Variants in RHOT1 observed in about 807,000 individuals in gnomAD.
RHOT1 encodes the protein ras homolog family member T1, also known as mitochondrial Rho GTPase 1.
In RHOT1, 27 loss-of-function variants were observed where a neutral mutation model predicts 95.3. That is an observed-to-expected ratio of 0.28 (90% CI 0.21 to 0.39). The LOEUF (loss-of-function observed/expected upper bound fraction) is 0.39, where lower values mean the gene tolerates loss of function less well. RHOT1 is among the 10% of genes least tolerant of loss of function. The probability of loss-of-function intolerance (pLI) is 1.00; values close to 1 mark genes in which losing one functional copy is unlikely to be tolerated. For synonymous variants in RHOT1, 227 were observed against 263.5 expected, an observed-to-expected ratio of 0.86 and a Z score of 1.34; for missense variants, 578 against 786.7, an observed-to-expected ratio of 0.73 and a Z score of 3.17.
At chr17:32,153,656 C>T (rs1361317250) in intron 1 of RHOT1, among the ~76,000 whole-genome samples, 1 of 151,648 alleles carries the variant, frequency 6.6e-6, no homozygotes, top group East Asian at 1.9e-4. Flanking sequence ...GAGACCCTGT[C>T]TCAAAAAAGA....
At position 32,173,642 on chromosome 17, in the gene RHOT1, A is replaced by G. The variant is rs540164786; in HGVS notation, c.97-189A>G. On this transcript the variant is annotated intron_variant, in intron 2 of 19. Coordinates refer to ENST00000545287, the MANE Select transcript of RHOT1 (RefSeq NM_001033566.3). ...GCAGGAGAATCACTTGAACCTGGGC[A>G]GCAGAGGTTGCAGTGAGCAGAGATC... is the stretch of plus-strand genomic sequence containing the variant. Among the ~76,000 whole-genome samples the G allele has an allele frequency of 1.5e-4, 23 of 151,816 alleles. No individual in the cohort carries two copies. In the Middle Eastern group the frequency reaches 0.01, roughly 67 times the overall value.
chr17:32,143,053 T>G, intron 1 of RHOT1: 2 of 664,680 alleles, frequency 3.0e-6, no homozygotes, highest in East Asian at 6.1e-5. Context: ...CTCTCCTCCT[T>G]TTCCTCTTCG....
chr17:32,222,270 CTG>C (rs938888375), intron 19 of RHOT1, among the ~76,000 whole-genome samples: 50 of 152,304 alleles, frequency 3.3e-4, no homozygotes, highest in African/African-American at 1.2e-3. Context: ...CCATGGCGGT[CTG>C]TGAGTTTGGG....
chr17:32,202,188 G>C (rs146633721), intron 14 of RHOT1, among the ~76,000 whole-genome samples: 1 of 152,144 alleles, frequency 6.6e-6, no homozygotes, highest in African/African-American at 2.4e-5. Context: ...GGGATTACAC[G>C]CGTGAGCCAC....
chr17:32,170,918 AAAACTT>A (rs2034522328), intron 1 of RHOT1, 119 bp from the exon 2 acceptor site: 2 of 572,510 alleles, frequency 3.5e-6, no homozygotes, highest in Non-Finnish European at 6.2e-6. Context: ...GTATTATACT[AAAACTT>A]AATAATTTGG....
At chr17:32,207,946 A>G (rs1190435764) in intron 17 of RHOT1, among the ~76,000 whole-genome samples, 161 bp from the exon 18 acceptor site, 2 of 152,142 alleles carry the variant, frequency 1.3e-5, no homozygotes, top group Admixed American at 1.3e-4. Flanking sequence ...TTATTATATG[A>G]GATTTACCTA....
intron 11 of RHOT1, among the ~76,000 whole-genome samples, chr17:32,198,313 T>C (rs2037055590): frequency 6.6e-6 from 1 of 152,238 alleles, no homozygotes; most frequent in African/African-American, 2.4e-5. Context: ...GGAATTAATA[T>C]GAAGCTCATA....
intron 1 of RHOT1, among the ~76,000 whole-genome samples, chr17:32,170,353 T>G (rs961565473): frequency 9.9e-5 from 15 of 151,992 alleles, no homozygotes; most frequent in Admixed American, 7.9e-4. Context: ...TGGTGGGGAT[T>G]GCAGTGAGCC....
intron 1 of RHOT1, among the ~76,000 whole-genome samples, chr17:32,152,660 T>G (rs1409288131): frequency 1.3e-5 from 2 of 151,992 alleles, no homozygotes; most frequent in African/African-American, 4.8e-5. Flanking sequence ...GGGAGGGAAC[T>G]TCAAGGGGAA....
chr17:32,177,735 A>G (rs2035126042), intron 6 of RHOT1, among the ~76,000 whole-genome samples: 1 of 144,480 alleles, frequency 6.9e-6, no homozygotes, highest in Middle Eastern at 3.5e-3. Flanking sequence ...AGCCTGGGCA[A>G]CAGAGCGAGA....
At chr17:32,168,165 G>A in intron 1 of RHOT1, among the ~76,000 whole-genome samples, 1 of 151,820 alleles carries the variant, frequency 6.6e-6, no homozygotes, top group Non-Finnish European at 1.5e-5. Flanking sequence ...AATACACCTG[G>A]TCACCCAAGA....
Position 32,192,308 on chromosome 17 carries a change from C to CCTTT in RHOT1, c.639+10_639+13dup, listed in dbSNP as rs749935208. 7.4e-7 allele frequency: 1 copy of CCTTT among 1,355,920 alleles called. No homozygotes were observed. The highest frequency in any genetic ancestry group is 1.0e-6 in the Non-Finnish European group (1 of 975,178). 84.0% of individuals were successfully genotyped at this position (1,355,920 alleles called of 1,614,324 possible). A position where few individuals can be genotyped will look rare whatever the true frequency, so the allele number is the denominator to read the frequency against. On this transcript the variant is annotated intron_variant, in intron 9 of 19. Transcript: ENST00000545287. ...AACTCAACTTCTTTCAGGTAATGGT[C>CCTTT]CTTTATTTCAGACATTTGCGTATCT...
At chr17:32,200,423 C>G (rs1040287662) in intron 13 of RHOT1, among the ~76,000 whole-genome samples, 2 of 151,918 alleles carry the variant, frequency 1.3e-5, no homozygotes, top group African/African-American at 4.8e-5. Context: ...GAGGAATTAC[C>G]CACCATCTTG....
chr17:32,169,926 C>T (rs1370043465), intron 1 of RHOT1, among the ~76,000 whole-genome samples: 2 of 151,854 alleles, frequency 1.3e-5, no homozygotes, highest in Non-Finnish European at 2.9e-5. Flanking sequence ...GGAGAATCAC[C>T]CAAGCCTGGG....
Position 32,225,594 on chromosome 17 carries a change from G to C in RHOT1, c.*861G>C, listed in dbSNP as rs539502285. On this transcript the variant is annotated 3_prime_UTR_variant, in exon 20 of 20. Transcript: ENST00000545287. ...TGTGTCACCAAGTGTTCTATATCAG[G>C]CTAGGATAACCTAGAGGCAGTAATT... 8.5e-5 allele frequency: 13 copies of C among 152,536 alleles called. No homozygotes were observed. Among genetic ancestry groups the C allele is most frequent in the Middle Eastern group, 3.4e-3 (1 of 294 alleles). The allele number at this position is 152,536 out of a possible 1,614,324, so 9.4% of individuals were successfully genotyped here.
chr17:32,199,572 T>G (rs1487800565), intron 13 of RHOT1, 22 bp downstream of exon 13: 10 of 1,565,982 alleles, frequency 6.4e-6, no homozygotes, highest in Non-Finnish European at 6.0e-6. Context: ...GCTCACCTCT[T>G]TCCTCTAGAG....
At position 32,222,912 on chromosome 17, in the gene RHOT1, C is replaced by T. The variant is rs12953030; in HGVS notation, c.1863-1704C>T. 1,781 of 983,630 alleles carry T rather than the reference C, an allele frequency of 1.8e-3. 16 individuals carry two copies. The African/African-American group carries it at 0.022, about 12-fold the overall frequency. 60.9% of individuals were successfully genotyped at this position (983,630 alleles called of 1,614,324 possible). Reference sequence around the variant, plus strand: ...TTTTTCTTGAAGCCAGGTAACATTTCCAATGGGTTGGCCTCGTTGGAGTTT... The same window carrying T: ...TTTTTCTTGAAGCCAGGTAACATTTTCAATGGGTTGGCCTCGTTGGAGTTT... On this transcript the variant is annotated intron_variant, in intron 19 of 19. Coordinates refer to ENST00000545287, the MANE Select transcript of RHOT1 (RefSeq NM_001033566.3).
At chr17:32,186,364 A>ATTT (rs141880248) in intron 8 of RHOT1, among the ~76,000 whole-genome samples, 33 of 128,198 alleles carry the variant, frequency 2.6e-4, no homozygotes, top group African/African-American at 9.2e-4. Flanking sequence ...GTCCTTTCCC[A>ATTT]TTTTTTTTTT....
intron 6 of RHOT1, among the ~76,000 whole-genome samples, chr17:32,178,413 A>G (rs1219487008): frequency 2.6e-5 from 4 of 152,026 alleles, no homozygotes; most frequent in Non-Finnish European, 2.9e-5. Flanking sequence ...GCTGGTCTCC[A>G]GCTCCTGGCC....
Sources: allele counts gnomAD v4.1 joint callset (sites outside exome capture counted in the v4.1 genomes callset), GRCh38; gene constraint gnomAD v4.1.1; transcripts MANE v1.5; gene names NCBI Gene and HGNC (gene_info 2026-07-23, HGNC 2026-07-21).